The following PIK3R6 variants were observed in gnomAD, a reference collection of about 807,000 sequenced individuals.
PIK3R6 encodes phosphoinositide 3-kinase regulatory subunit 6.
A neutral mutation model predicts 84.9 loss-of-function variants in PIK3R6; 91 were observed. The observed-to-expected ratio is 1.07, with a 90% CI of 0.90 to 1.28. PIK3R6 has a LOEUF of 1.28. Among genes scored for constraint, PIK3R6 ranks in the 50% most tolerant of loss-of-function variants. The pLI is 0.00. For missense variants in PIK3R6, 996 were observed against 985.1 expected (o/e 1.01, Z -0.15); for synonymous variants, 416 against 411.4 (o/e 1.01, Z -0.13).
intron 1 of PIK3R6, among the ~76,000 whole-genome samples, chr17:8,851,282 G>C (rs188245057): frequency 5.9e-5 from 9 of 152,200 alleles, no homozygotes; most frequent in African/African-American, 2.2e-4. Flanking sequence ...CAGATCACGA[G>C]GTCAGGAGAT....
intron 10 of PIK3R6, 138 bp from the exon 11 acceptor site, chr17:8,829,128 CAGAG>C (rs756855085): frequency 2.0e-5 from 16 of 808,840 alleles, no homozygotes; most frequent in Admixed American, 3.6e-5. Flanking sequence ...TGAACATGCA[CAGAG>C]ACTCACACAC....
chr17:8,829,818 G>C, intron 9 of PIK3R6, 26 bp from the exon 10 acceptor site: 1 of 1,539,844 alleles, frequency 6.5e-7, no homozygotes, highest in Non-Finnish European at 8.8e-7. Flanking sequence ...GGCTGTGGAG[G>C]CCATGGAGGA....
At position 8,803,739 on chromosome 17, in the gene PIK3R6, A is replaced by G; in HGVS notation, c.2108+302T>C. The stretch of plus-strand genomic sequence containing the variant: ...GATGCCACAGGTCAGCCTGTGTGGG[A>G]GGGGCCCGTGCCTGCAGAGGGGACT... On this transcript the variant is annotated intron_variant, in intron 19 of 19. Coordinates refer to ENST00000619866, the MANE Select transcript of PIK3R6 (RefSeq NM_001010855.4). The surrounding 1 kb of genome is among the most constrained non-coding windows in gnomAD (Gnocchi z 5.0). 2 of 552,850 alleles carry G rather than the reference A, an allele frequency of 3.6e-6. No homozygotes were observed. Among genetic ancestry groups the G allele is most frequent in the South Asian group, 2.3e-5 (1 of 44,380 alleles). The allele number at this position is 552,850 out of a possible 1,614,324, so 34.2% of individuals were successfully genotyped here.
At chr17:8,804,400 G>T (rs1386337707) in intron 18 of PIK3R6, among the ~76,000 whole-genome samples, 1 of 152,140 alleles carries the variant, frequency 6.6e-6, no homozygotes, top group East Asian at 1.9e-4. Flanking sequence ...AACACAAACG[G>T]GAATGCTGTG....
In PIK3R6 at chr17:8,838,579, GAGA is replaced by G; in HGVS notation, c.171_173del (p.Leu58del). The G allele has an allele frequency of 6.2e-7, 1 of 1,602,742 alleles. No individual in the cohort carries two copies. The highest frequency in any genetic ancestry group is 8.5e-7 in the Non-Finnish European group (1 of 1,174,600). The stretch of plus-strand genomic sequence containing the variant: ...AGGAACTCACCTTCTCCAGTTCTCT[GAGA>G]AGAATGCGGACCAGCACTGGGCTCT... On this transcript the variant is annotated inframe_deletion, in exon 4 of 20. Coordinates refer to ENST00000619866, the MANE Select transcript of PIK3R6 (RefSeq NM_001010855.4).
chr17:8,821,877 G>A lies in PIK3R6; in HGVS notation c.1848C>T (p.Ile616=). The part of the protein sequence containing the change: ...VTVSLRATGL[I]LKAIPASDTE... ...TGTCGCTGGCTGGAATGGCCTTCAG[G>A]ATCAGCCCAGTGGCCCGCAGGGAAA... The change falls in exon 17 of 20, where the codon ATC becomes ATT. Residue 616 remains isoleucine, a synonymous_variant. Transcript: ENST00000619866. 1 of 1,597,876 alleles carries A rather than the reference G, an allele frequency of 6.3e-7. No individual in the cohort carries two copies. The highest frequency in any genetic ancestry group is 8.5e-7 in the Non-Finnish European group (1 of 1,172,154).
intron 8 of PIK3R6, among the ~76,000 whole-genome samples, chr17:8,834,092 G>GCC (rs2088365481): frequency 6.7e-6 from 1 of 149,044 alleles, no homozygotes; most frequent in South Asian, 2.2e-4. Flanking sequence ...AGGAGGCGGA[G>GCC]CTTGCAGTGA....
At chr17:8,832,549 A>ATTTT (rs71135926) in intron 9 of PIK3R6, among the ~76,000 whole-genome samples, 17,883 of 133,316 alleles carry the variant, frequency 0.13, 1,547 homozygotes, top group Non-Finnish European at 0.19. Context: ...CGCCCAGCTG[A>ATTTT]TTTTTTTTTT....
At chr17:8,821,521 G>C (rs1190311159) in intron 17 of PIK3R6, among the ~76,000 whole-genome samples, 1 of 151,828 alleles carries the variant, frequency 6.6e-6, no homozygotes, top group African/African-American at 2.4e-5. Context: ...TTTTTGGAAT[G>C]ACAGTCAAAG....
At chr17:8,824,613 C>T (rs1324239494) in intron 13 of PIK3R6, among the ~76,000 whole-genome samples, 1 of 152,156 alleles carries the variant, frequency 6.6e-6, no homozygotes, top group Admixed American at 6.5e-5. Flanking sequence ...TTGGAGTAAG[C>T]ATAGGGCCAT....
intron 1 of PIK3R6, among the ~76,000 whole-genome samples, chr17:8,852,738 C>CCAAAA (rs2089005936): frequency 9.8e-6 from 1 of 101,888 alleles, no homozygotes; most frequent in Admixed American, 1.0e-4. Context: ...GACTCTGTCT[C>CCAAAA]AAAAAAAAAA....
chr17:8,829,292 GCATA>G (rs1567587424), intron 10 of PIK3R6, among the ~76,000 whole-genome samples: 1 of 112,872 alleles, frequency 8.9e-6, no homozygotes, highest in Non-Finnish European at 1.8e-5. Context: ...CACGCATCAT[GCATA>G]CACACACACT....
chr17:8,809,961 T>A (rs149457500), intron 18 of PIK3R6, among the ~76,000 whole-genome samples: 8 of 152,200 alleles, frequency 5.3e-5, no homozygotes, highest in African/African-American at 1.9e-4. Flanking sequence ...GACATAACAA[T>A]TCTAAATAAA....
In PIK3R6 at chr17:8,860,515, C is replaced by T. The variant is rs542760168; in HGVS notation, c.-92+7014G>A. Among the ~76,000 whole-genome samples the T allele has an allele frequency of 4.8e-5, 7 of 146,964 alleles. No homozygotes were observed. The East Asian group carries it at 1.5e-3, about 32-fold the overall frequency. ...CAAACCCCTTCCGTGGAAAAATTGC[C>T]TTCCATGAAACTGGTTCCTGGTGTC... On this transcript the variant is annotated intron_variant, in intron 1 of 19. Coordinates refer to ENST00000619866, the MANE Select transcript of PIK3R6 (RefSeq NM_001010855.4).
chr17:8,829,339 CACACACAG>C (rs1158576689), intron 10 of PIK3R6, among the ~76,000 whole-genome samples: 3 of 140,284 alleles, frequency 2.1e-5, no homozygotes, highest in Admixed American at 7.0e-5. Flanking sequence ...CCCATGCAAG[CACACACAG>C]ACACACTGAC....
At position 8,803,478 on chromosome 17, in the gene PIK3R6, T is replaced by A; in HGVS notation, c.2109-49A>T. On this transcript the variant is annotated intron_variant, in intron 19 of 19. Coordinates refer to ENST00000619866, the MANE Select transcript of PIK3R6 (RefSeq NM_001010855.4). The surrounding 1 kb of genome is among the most constrained non-coding windows in gnomAD (Gnocchi z 5.0). Reference sequence around the variant, plus strand: ...CAGGTGACCCATCTGAGGGATCAGATTGCCTAGGGCATTTGAAAGGCAGAG... The same window carrying A: ...CAGGTGACCCATCTGAGGGATCAGAATGCCTAGGGCATTTGAAAGGCAGAG... 1.3e-6 allele frequency: 2 copies of A among 1,543,452 alleles called. No homozygotes were observed. The highest frequency in any genetic ancestry group is 1.8e-6 in the Non-Finnish European group (2 of 1,142,438).
rs755602911 is a variant in PIK3R6 at position 8,844,162 on chromosome 17, A to G, written c.14-4465T>C. 1.5e-4 allele frequency among the ~76,000 whole-genome samples: 23 copies of G among 152,228 alleles called. No individual in the cohort carries two copies. The highest frequency in any genetic ancestry group is 2.1e-4 in the South Asian group (1 of 4,834). Reference sequence around the variant, plus strand: ...CTGATGCCACAGCAAAGGTCTCCTGAGCCATCTTCACCAGAGCACGAGAAT... The same window carrying G: ...CTGATGCCACAGCAAAGGTCTCCTGGGCCATCTTCACCAGAGCACGAGAAT... On this transcript the variant is annotated intron_variant, in intron 2 of 19. Coordinates refer to ENST00000619866, the MANE Select transcript of PIK3R6 (RefSeq NM_001010855.4). This position sits in a 1 kb window ranked among gnomAD's most constrained non-coding sequence, Gnocchi z 4.5.
chr17:8,833,656 C>T (rs1045488808), intron 8 of PIK3R6, among the ~76,000 whole-genome samples: 21 of 151,458 alleles, frequency 1.4e-4, no homozygotes, highest in African/African-American at 4.1e-4. Context: ...ATTCTCCTGC[C>T]TCAGCCTCCC....
In PIK3R6 at chr17:8,849,770, C is replaced by T; in HGVS notation, c.13+12G>A. The T allele has an allele frequency of 1.9e-6, 3 of 1,611,638 alleles. No individual in the cohort carries two copies. The highest frequency in any genetic ancestry group is 4.5e-5 in the East Asian group (2 of 44,818). On this transcript the variant is annotated intron_variant, in intron 2 of 19. Transcript: ENST00000619866. ...CAGGCTCACTAGACCCCTTTCCCCC[C>T]ACCACACTGACCTGAGCTCTCCATG...
Sources: gnomAD v4.1 joint callset for allele counts (sites outside exome capture counted in the v4.1 genomes callset) on GRCh38, gnomAD v4.1.1 for gene constraint, Gnocchi (gnomAD v3.1) non-coding constraint, MANE v1.5 for transcripts, NCBI Gene and HGNC (gene_info 2026-07-23, HGNC 2026-07-21) for gene names.